Variants in PASK observed in about 807,000 individuals in gnomAD.
The protein encoded by PASK is PAS domain containing serine/threonine kinase.
A neutral mutation model predicts 121.0 loss-of-function variants in PASK; 110 were observed. That is an observed-to-expected ratio of 0.91 (90% CI 0.78 to 1.06). The LOEUF is 1.06. Ranked by LOEUF, PASK falls within the 50% of genes least tolerant of loss-of-function variation. The pLI is 0.00. For missense variants in PASK, 1,643 were observed against 1,702.3 expected (o/e 0.97, Z 0.61); for synonymous variants, 686 against 717.8 (o/e 0.96, Z 0.71).
At chr2:241,111,910 T>C (rs559414733) in intron 15 of PASK, among the ~76,000 whole-genome samples, 1 of 152,334 alleles carries the variant, frequency 6.6e-6, no homozygotes, top group African/African-American at 2.4e-5. Context: ...TCAAAATAAA[T>C]AAACCTAACT....
At chr2:241,115,004 G>T in intron 14 of PASK, 39 bp downstream of exon 14, 2 of 1,613,938 alleles carry the variant, frequency 1.2e-6, no homozygotes, top group Non-Finnish European at 1.7e-6. Context: ...AGGCACCCAG[G>T]CCTGCGTTCA....
Position 241,126,499 on chromosome 2 carries a change from C to T in PASK, c.2416G>A (p.Asp806Asn), listed in dbSNP as rs1257953742. ...CGGAACCGTCGGCCTTGGCCAAGGT[C>T]AACACAGGTGCCGGTCAGTAGTAAC... is the stretch of plus-strand genomic sequence containing the variant. ...ELLLLTGTCVDLGQGRRFRES... is the reference protein window; with the variant it reads ...ELLLLTGTCVNLGQGRRFRES... The change falls in exon 10 of 18, where the codon GAC (aspartate) becomes AAC (asparagine). Residue 806 changes from aspartate to asparagine, a missense_variant. By Grantham distance (23) the Asp-to-Asn change is conservative. Around this residue, in one of 3 missense-constraint regions of PASK, gnomAD observed 1,176 missense variants for 1,162.2 expected, o/e 1.01. Transcript: ENST00000234040. 3 of 1,614,146 alleles carry T rather than the reference C, an allele frequency of 1.9e-6. No homozygotes were observed. The highest frequency in any genetic ancestry group is 2.5e-6 in the Non-Finnish European group (3 of 1,180,046).
intron 14 of PASK, 184 bp downstream of exon 14, chr2:241,114,859 A>C: frequency 6.6e-7 from 1 of 1,504,974 alleles, no homozygotes. Context: ...TCCCAACCTC[A>C]CTTTCTCTAC....
Position 241,127,191 on chromosome 2 carries a change from C to G in PASK, c.1724G>C (p.Arg575Pro). ...CGLCQKAQLE[R>P]MGVSGPSGSD... ...ACCGCTGGGACCACTGACTCCCATC[C>G]GCTCTAGCTGGGCCTTCTGACACAG... Residue 575 changes from arginine (R) to proline (P), a missense_variant, in exon 10 of 18, where the codon CGG becomes CCG. This residue lies in a region of PASK where 1,176 missense variants were observed against 1,162.2 expected (regional missense o/e 1.01). Transcript: ENST00000234040. 1 of 1,614,248 alleles carries G rather than the reference C, an allele frequency of 6.2e-7. No individual in the cohort carries two copies. The highest frequency in any genetic ancestry group is 1.3e-5 in the African/African-American group (1 of 75,078).
chr2:241,121,655 T>C (rs532764370), intron 12 of PASK, among the ~76,000 whole-genome samples: 11 of 152,274 alleles, frequency 7.2e-5, no homozygotes, highest in African/African-American at 2.4e-4. Flanking sequence ...CATAAATGAC[T>C]AAAAGTAAAA....
Position 241,140,041 on chromosome 2 carries a change from G to A in PASK, c.444C>T (p.Asn148=), listed in dbSNP as rs376226282. The A allele has an allele frequency of 1.6e-5, 26 of 1,613,728 alleles. No individual in the cohort carries two copies. In the African/African-American group the frequency reaches 1.9e-4, roughly 12 times the overall value. The part of the protein sequence containing the change: ...DAKTTEILVA[N]DKACGLLGYS... ...ACCCCAGGAGCCCGCAAGCTTTGTC[G>A]TTAGCAACCAGGATCTGAGGAATCA... Residue 148 remains asparagine, a synonymous_variant, in exon 4 of 18, where the codon AAC becomes AAT. Transcript: ENST00000234040.
At chr2:241,138,539 G>T in intron 5 of PASK, 115 bp downstream of exon 5, 1 of 1,271,418 alleles carries the variant, frequency 7.9e-7, no homozygotes, top group Non-Finnish European at 1.1e-6. Flanking sequence ...GACCCTCCAG[G>T]CTCCTCATCC....
intron 10 of PASK, among the ~76,000 whole-genome samples, chr2:241,124,473 T>G (rs1031484065): frequency 4.6e-5 from 7 of 152,302 alleles, no homozygotes; most frequent in South Asian, 2.1e-4. Flanking sequence ...CAACTCAGAA[T>G]AGCCGGGAGA....
intron 1 of PASK, among the ~76,000 whole-genome samples, chr2:241,146,891 T>C (rs1028157243): frequency 4.6e-5 from 7 of 152,160 alleles, no homozygotes; most frequent in Non-Finnish European, 1.5e-5. Context: ...CCTTTATTCT[T>C]TTGTATGAAT....
At chr2:241,117,560 TTAAA>T (rs2065428313) in intron 12 of PASK, among the ~76,000 whole-genome samples, 2 of 152,130 alleles carry the variant, frequency 1.3e-5, no homozygotes, top group Non-Finnish European at 1.5e-5. Flanking sequence ...AACGGAAGCT[TTAAA>T]TATTCAGATC....
chr2:241,111,261 G>T (rs1048010314), intron 15 of PASK, among the ~76,000 whole-genome samples: 2 of 152,150 alleles, frequency 1.3e-5, no homozygotes, highest in Non-Finnish European at 2.9e-5. Flanking sequence ...CCTCTCCTGT[G>T]GGGGCAGCAT....
chr2:241,115,766 A>C (rs2065318488), intron 12 of PASK, among the ~76,000 whole-genome samples: 2 of 129,540 alleles, frequency 1.5e-5, no homozygotes, highest in African/African-American at 5.7e-5. Flanking sequence ...ACCGGTCCTC[A>C]AGCATCCCAT....
intron 1 of PASK, among the ~76,000 whole-genome samples, chr2:241,148,120 G>T (rs555882386): frequency 1.6e-4 from 24 of 152,252 alleles, no homozygotes; most frequent in South Asian, 1.2e-3. Flanking sequence ...ATTGTCCTTT[G>T]TATCCACTGT....
chr2:241,148,699 T>A (rs1402122265), intron 1 of PASK, among the ~76,000 whole-genome samples: 1 of 152,174 alleles, frequency 6.6e-6, no homozygotes, highest in Non-Finnish European at 1.5e-5. Context: ...CCAGGGACCA[T>A]GTCGGTGCAA....
Position 241,115,359 on chromosome 2 carries a change from C to A in PASK, c.3127G>T (p.Asp1043Tyr). ...AAAGTAACTTTCCCAAGTTTGGGAT[C>A]CTCAATCCAACAATCCTCCAAGACC... ...EKVLEDCWIE[D>Y]PKLGKVTLEI... is the part of the protein sequence containing the mutation. Residue 1043 changes from aspartate (D) to tyrosine (Y), a missense_variant, in exon 13 of 18, where the codon GAT becomes TAT. Physicochemically the swap from Asp to Tyr is radical, Grantham distance 160. Around this residue, in one of 3 missense-constraint regions of PASK, gnomAD observed 453 missense variants for 511.2 expected, o/e 0.89. Coordinates refer to ENST00000234040, the MANE Select transcript of PASK (RefSeq NM_015148.4). 1 of 1,613,664 alleles carries A rather than the reference C, an allele frequency of 6.2e-7. No individual in the cohort carries two copies. Among genetic ancestry groups the A allele is most frequent in the Non-Finnish European group, 8.5e-7 (1 of 1,179,638 alleles).
At chr2:241,123,368 T>C (rs965152492) in intron 11 of PASK, among the ~76,000 whole-genome samples, 11 of 151,850 alleles carry the variant, frequency 7.2e-5, no homozygotes, top group Non-Finnish European at 1.3e-4. Context: ...TTAGTAGAGA[T>C]GGGGTTTCAC....
upstream of PASK, chr2:241,149,527 C>T: frequency 1.2e-6 from 1 of 863,330 alleles, no homozygotes; most frequent in Non-Finnish European, 1.7e-6. Context: ...ACAAGCTCCA[C>T]GGACCAGCCA....
intron 2 of PASK, among the ~76,000 whole-genome samples, chr2:241,142,540 A>G (rs755551159): frequency 6.6e-6 from 1 of 152,230 alleles, no homozygotes; most frequent in South Asian, 2.1e-4. Flanking sequence ...GCGTTCTCAC[A>G]TACTCTAAAG....
At chr2:241,111,729 G>C (rs1179773320) in intron 15 of PASK, among the ~76,000 whole-genome samples, 2 of 152,168 alleles carry the variant, frequency 1.3e-5, no homozygotes, top group East Asian at 3.9e-4. Context: ...GCAGAGCAGA[G>C]GCTCAGCTGG....
Sources: gnomAD v4.1 joint callset for allele counts (sites outside exome capture counted in the v4.1 genomes callset) on GRCh38, gnomAD v4.1.1 for gene constraint, gnomAD v4.1.1 regional missense constraint, MANE v1.5 for transcripts, NCBI Gene and HGNC (gene_info 2026-07-23, HGNC 2026-07-21) for gene names.